SYNPR: variants seen among roughly 807,000 people sequenced by gnomAD.
SYNPR encodes the protein synaptoporin.
SYNPR carries 23 observed loss-of-function variants against 32.9 expected under a neutral mutation model. That is an observed-to-expected ratio of 0.70 (90% confidence interval 0.50 to 0.99). The LOEUF is 0.99. SYNPR is among the 50% of genes least tolerant of loss of function. SYNPR has a pLI of 0.00. For missense variants in SYNPR, 318 were observed against 349.3 expected, an observed-to-expected ratio of 0.91 and a Z score of 0.71; for synonymous variants, 146 against 135.9, an observed-to-expected ratio of 1.07 and a Z score of -0.52.
chr3:63,272,953 A>G (rs2086548157), intron 3 of SYNPR, among the ~76,000 whole-genome samples: 1 of 152,178 alleles, frequency 6.6e-6, no homozygotes, highest in African/African-American at 2.4e-5. Flanking sequence ...TGCTTCATGA[A>G]TCTGCAAAAA....
At chr3:63,515,782 T>C (rs1284366940) in intron 3 of SYNPR, among the ~76,000 whole-genome samples, 1 of 152,172 alleles carries the variant, frequency 6.6e-6, no homozygotes, top group Non-Finnish European at 1.5e-5. Flanking sequence ...GTTTCTACCT[T>C]CCAAATTTGT....
At chr3:63,542,888 G>A (rs1702332518) in intron 3 of SYNPR, among the ~76,000 whole-genome samples, 1 of 152,072 alleles carries the variant, frequency 6.6e-6, no homozygotes, top group South Asian at 2.1e-4. Flanking sequence ...GTGGGCATAA[G>A]TAAAATGAGG....
rs974044009 is a variant in SYNPR at position 63,445,397 on chromosome 3, T to C, written c.85-35435T>C. 4 of 533,694 alleles carry C rather than the reference T, an allele frequency of 7.5e-6. No homozygotes were observed. The African/African-American group carries it at 7.6e-5, about 10-fold the overall frequency. The allele number at this position is 533,694 out of a possible 1,614,324, so 33.1% of individuals were successfully genotyped here. On this transcript the variant is annotated intron_variant, in intron 2 of 5. Coordinates refer to ENST00000478300, the MANE Select transcript of SYNPR (RefSeq NM_001130003.2). ...GAGTTAGAGCCAATGTGCACAGTTT[T>C]TACAAGTATCACTTCTGAAAGGTCC...
intron 2 of SYNPR, among the ~76,000 whole-genome samples, chr3:63,457,289 C>G (rs1700499829): frequency 6.6e-6 from 1 of 152,140 alleles, no homozygotes; most frequent in Non-Finnish European, 1.5e-5. Flanking sequence ...CAATTCCAGA[C>G]AGCTGATACT....
intron 2 of SYNPR, among the ~76,000 whole-genome samples, chr3:63,393,945 T>C (rs1036971039): frequency 2.0e-5 from 3 of 152,232 alleles, no homozygotes; most frequent in South Asian, 2.1e-4. Context: ...CATTTTCTTT[T>C]TGTTATTGAC....
intron 4 of SYNPR, among the ~76,000 whole-genome samples, chr3:63,574,858 T>A (rs1299869639): frequency 6.6e-6 from 1 of 152,104 alleles, no homozygotes; most frequent in Non-Finnish European, 1.5e-5. Context: ...ATAAAATGTG[T>A]TCAGTCTTCA....
At chr3:63,416,508 G>A (rs1236778594) in intron 2 of SYNPR, among the ~76,000 whole-genome samples, 8 of 140,446 alleles carry the variant, frequency 5.7e-5, no homozygotes. Flanking sequence ...CTCCAGCCTT[G>A]GTGACGGAGT....
chr3:63,267,029 G>A (rs921531634), intron 2 of SYNPR, among the ~76,000 whole-genome samples: 3 of 152,174 alleles, frequency 2.0e-5, no homozygotes, highest in Admixed American at 6.5e-5. Context: ...ATGTGGCCCT[G>A]GGATTTTCTT....
intron 3 of SYNPR, among the ~76,000 whole-genome samples, chr3:63,555,890 A>G (rs2106827107): frequency 6.6e-6 from 1 of 152,326 alleles, no homozygotes; most frequent in East Asian, 1.9e-4. Flanking sequence ...AGTGCTACGA[A>G]TGACATTAAA....
chr3:63,550,407 A>G (rs576588689), intron 3 of SYNPR, among the ~76,000 whole-genome samples: 60 of 151,306 alleles, frequency 4.0e-4, no homozygotes, highest in African/African-American at 1.1e-3. Context: ...GTGTGTGTGT[A>G]TATATATATA....
chr3:63,614,650 T>A (rs1700251274), intron 5 of SYNPR, among the ~76,000 whole-genome samples: 1 of 152,236 alleles, frequency 6.6e-6, no homozygotes, highest in South Asian at 2.1e-4. Context: ...TACCATTGCT[T>A]ACCCTATATT....
rs775539606 is a variant in SYNPR, at chr3:63,615,367, C to A, written c.744C>A (p.Asn248Lys). The part of the protein sequence containing the change: ...HSSSYNQGGY[N>K]QDSYGSSSGY... ...GCAGCTATAATCAAGGTGGTTACAACCAAGACAGCTATGGATCAAGCAGTG... is the reference window on the plus strand; with the variant it reads ...GCAGCTATAATCAAGGTGGTTACAAACAAGACAGCTATGGATCAAGCAGTG... The change falls in exon 6 of 6, where the codon AAC (asparagine) becomes AAA (lysine). Residue 248 changes from asparagine (N) to lysine (K), a missense_variant. Coordinates refer to ENST00000478300, the MANE Select transcript of SYNPR (RefSeq NM_001130003.2). The A allele has an allele frequency of 5.0e-6, 8 of 1,613,920 alleles. No homozygotes were observed. The East Asian group carries it at 6.7e-5, about 13-fold the overall frequency.
intron 4 of SYNPR, among the ~76,000 whole-genome samples, chr3:63,599,396 A>G (rs1207945412): frequency 1.3e-5 from 2 of 152,124 alleles, no homozygotes; most frequent in African/African-American, 4.8e-5. Context: ...CCTTTATACT[A>G]TATTTTTACT....
chr3:63,501,509 A>G (rs1177913202), intron 3 of SYNPR, among the ~76,000 whole-genome samples: 2 of 94,538 alleles, frequency 2.1e-5, no homozygotes, highest in Non-Finnish European at 4.6e-5. Context: ...AAAAAAAAAA[A>G]AAAAAGAAAA....
intron 2 of SYNPR, among the ~76,000 whole-genome samples, chr3:63,255,480 G>T (rs904577661): frequency 5.9e-5 from 9 of 152,174 alleles, no homozygotes; most frequent in African/African-American, 1.9e-4. Flanking sequence ...AAGGAAAAAA[G>T]GCTGAGTAAT....
At chr3:63,424,217 CTG>C (rs1018623032) in intron 2 of SYNPR, among the ~76,000 whole-genome samples, 4 of 152,194 alleles carry the variant, frequency 2.6e-5, no homozygotes, top group African/African-American at 9.6e-5. Context: ...TGGAAACTCT[CTG>C]TTATATTCTT....
At chr3:63,350,276 T>A (rs998824368) in intron 2 of SYNPR, among the ~76,000 whole-genome samples, 1 of 151,886 alleles carries the variant, frequency 6.6e-6, no homozygotes, top group Non-Finnish European at 1.5e-5. Flanking sequence ...TAGGGGAGAC[T>A]ATTCCCTATA....
rs553494980 is a variant in SYNPR at position 63,578,214 on chromosome 3, C to T, written c.408+21473C>T. On this transcript the variant is annotated intron_variant, in intron 4 of 5. Transcript: ENST00000478300. ...GTGATTACCAGCGTAGGTCCTGGAC[C>T]TCACAGTTCTCACTTCACTTCTGGC... 1.2e-4 allele frequency among the ~76,000 whole-genome samples: 18 copies of T among 152,238 alleles called. No individual in the cohort carries two copies. The East Asian group carries it at 3.5e-3, about 30-fold the overall frequency.
intron 5 of SYNPR, chr3:63,610,351 A>G: frequency 2.1e-6 from 1 of 480,168 alleles, no homozygotes; most frequent in Non-Finnish European, 3.7e-6. Context: ...ATAAGCTATA[A>G]TGGCAGCAAA....
Sources: gnomAD v4.1 joint callset for allele counts (sites outside exome capture counted in the v4.1 genomes callset) on GRCh38, gnomAD v4.1.1 for gene constraint, MANE v1.5 for transcripts, NCBI Gene and HGNC (gene_info 2026-07-23, HGNC 2026-07-21) for gene names.